SCUBE1: variants seen among roughly 807,000 people sequenced by gnomAD.
SCUBE1 encodes signal peptide, CUB domain and EGF like domain containing 1.
Under a neutral mutation model 124.4 loss-of-function variants are expected in SCUBE1, and 59 were observed. The observed-to-expected ratio is 0.47, with a 90% CI of 0.38 to 0.59. The LOEUF (loss-of-function observed/expected upper bound fraction) is 0.59. SCUBE1 is among the 20% of genes least tolerant of loss of function. The pLI is 0.00. For synonymous variants in SCUBE1, 545 were observed against 550.9 expected (o/e 0.99, Z 0.15); for missense variants, 1,150 against 1,371.2 (o/e 0.84, Z 2.55).
Position 43,255,429 on chromosome 22 carries a change from CAT to C in SCUBE1, c.727+2788_727+2789del, listed in dbSNP as rs1248787382. 67 of 1,422,222 alleles carry C rather than the reference CAT, an allele frequency of 4.7e-5. No homozygotes were observed. The highest frequency in any genetic ancestry group is 8.5e-5 in the African/African-American group (6 of 70,460). The allele number at this position is 1,422,222 out of a possible 1,614,324, so 88.1% of individuals were successfully genotyped here. A position where few individuals can be genotyped will look rare whatever the true frequency, so the allele number is the denominator to read the frequency against. ...CATGCCAGTGCGCACCCGAGACACA[CAT>C]GTGCACACACACACACAAGTGCAAG... On this transcript the variant is annotated intron_variant, in intron 6 of 21. Transcript: ENST00000360835. The surrounding 1 kb of genome is among the most constrained non-coding windows in gnomAD (Gnocchi z 4.7).
rs139895802 is a variant in SCUBE1, at chr22:43,281,437, G to A, written c.484+9609C>T. Among the ~76,000 whole-genome samples the A allele has an allele frequency of 8.4e-3, 545 of 64,556 alleles. 11 individuals carry two copies. The highest frequency in any genetic ancestry group is 0.034 in the East Asian group (15 of 442). The allele number at this position is 64,556 out of a possible 152,430, so 42.4% of individuals were successfully genotyped here. A position where few individuals can be genotyped will look rare whatever the true frequency, so the allele number is the denominator to read the frequency against. ...CAGCCATCCTCCTGTCACCTCCCTT[G>A]GCCACCCTCCTGTCATCTCCCTCAG... On this transcript the variant is annotated intron_variant, in intron 4 of 21. Coordinates refer to ENST00000360835, the MANE Select transcript of SCUBE1 (RefSeq NM_173050.5).
At position 43,218,311 on chromosome 22, in the gene SCUBE1, G is replaced by A. The variant is rs372406116; in HGVS notation, c.1835C>T (p.Ala612Val). ...GCCACATGCCCCCTGCCCCTCCAGC[G>A]CCTTGGCTGGCCTCTGGGCTACCTC... ...EYEVAQRPAK[A>V]LEGQGACGAG... The change falls in exon 15 of 22, where the codon GCG becomes GTG. Residue 612 changes from alanine to valine, a missense_variant. By Grantham distance (64) the Ala-to-Val change is moderately conservative (BLOSUM62 0). This residue lies in a region of SCUBE1 where 757 missense variants were observed against 840.9 expected (regional missense o/e 0.90). Coordinates refer to ENST00000360835, the MANE Select transcript of SCUBE1 (RefSeq NM_173050.5). 6.2e-6 allele frequency: 10 copies of A among 1,613,182 alleles called. No individual in the cohort carries two copies. In the African/African-American group the frequency reaches 1.1e-4, roughly 17 times the overall value.
intron 15 of SCUBE1, among the ~76,000 whole-genome samples, chr22:43,214,660 G>A (rs59093902): frequency 0.059 from 8,911 of 152,260 alleles, 910 homozygotes; most frequent in African/African-American, 0.2. Context: ...TCCTTCCTGA[G>A]TGGAGGAGTT....
chr22:43,249,615 T>C (rs1426006368), intron 6 of SCUBE1, among the ~76,000 whole-genome samples: 3 of 152,214 alleles, frequency 2.0e-5, no homozygotes, highest in African/African-American at 7.2e-5. Context: ...TTCCATCCTT[T>C]CTTTCCCTTC....
At chr22:43,327,258 A>G (rs1926756832) in intron 2 of SCUBE1, among the ~76,000 whole-genome samples, 1 of 152,180 alleles carries the variant, frequency 6.6e-6, no homozygotes. Flanking sequence ...CAGATCACAC[A>G]GCAAATGCAA....
intron 5 of SCUBE1, among the ~76,000 whole-genome samples, chr22:43,259,828 C>T (rs1199773511): frequency 6.6e-6 from 1 of 152,172 alleles, no homozygotes; most frequent in Non-Finnish European, 1.5e-5. Context: ...ATTTCAGGGA[C>T]CTGAAAAATG....
rs183553226 is a variant in SCUBE1 at position 43,256,794 on chromosome 22, G to A, written c.727+1425C>T. ...AGACGAGACAGGAGGGAGGCTGGGTGGCCCGGGAGAGCCCCAGGCCGGACA... is the reference window on the plus strand; with the variant it reads ...AGACGAGACAGGAGGGAGGCTGGGTAGCCCGGGAGAGCCCCAGGCCGGACA... On this transcript the variant is annotated intron_variant, in intron 6 of 21. Transcript: ENST00000360835. 2.4e-4 allele frequency among the ~76,000 whole-genome samples: 37 copies of A among 152,346 alleles called. 1 individual carries two copies. The highest frequency in any genetic ancestry group is 1.8e-3 in the Admixed American group (28 of 15,306).
chr22:43,313,539 T>C (rs1038872384), intron 3 of SCUBE1, among the ~76,000 whole-genome samples: 10 of 152,212 alleles, frequency 6.6e-5, no homozygotes, highest in African/African-American at 2.4e-4. Context: ...TGCTGTCCAA[T>C]TGCATGGAGT....
At chr22:43,230,359 G>A (rs1293367119) in intron 8 of SCUBE1, among the ~76,000 whole-genome samples, 2 of 151,982 alleles carry the variant, frequency 1.3e-5, no homozygotes, top group African/African-American at 4.8e-5. Flanking sequence ...TGAGTGCCAA[G>A]CAAAGGAGCA....
At chr22:43,317,463 AG>A (rs1926391300) in intron 3 of SCUBE1, among the ~76,000 whole-genome samples, 1 of 152,212 alleles carries the variant, frequency 6.6e-6, no homozygotes, top group African/African-American at 2.4e-5. Flanking sequence ...ACATTATCTC[AG>A]TCACTGCTCA....
At chr22:43,299,031 G>A (rs1306665619) in intron 3 of SCUBE1, among the ~76,000 whole-genome samples, 1 of 144,568 alleles carries the variant, frequency 6.9e-6, no homozygotes, top group East Asian at 2.0e-4. Flanking sequence ...GGCCTGGGGC[G>A]ACACAGCGAG....
rs148581162 is a variant in SCUBE1 at position 43,234,710 on chromosome 22, C to T, written c.845-2835G>A. ...CCTGGGTTCCCACCCCACCGCCCCA[C>T]ACCAGGCAGCCAGCACCACCTTCCG... On this transcript the variant is annotated intron_variant, in intron 7 of 21. Coordinates refer to ENST00000360835, the MANE Select transcript of SCUBE1 (RefSeq NM_173050.5). The surrounding 1 kb of genome is among the most constrained non-coding windows in gnomAD (Gnocchi z 4.4). Among the ~76,000 whole-genome samples the T allele has an allele frequency of 6.6e-4, 101 of 152,336 alleles. 1 individual carries two copies. Among genetic ancestry groups the T allele is most frequent in the Admixed American group, 7.2e-4 (11 of 15,306 alleles).
At chr22:43,256,611 A>T (rs1923669779) in intron 6 of SCUBE1, among the ~76,000 whole-genome samples, 1 of 152,258 alleles carries the variant, frequency 6.6e-6, no homozygotes, top group African/African-American at 2.4e-5. Flanking sequence ...TGCAGTAGAC[A>T]TCAAAAAATA....
At chr22:43,235,117 G>GT (rs910994513) in intron 7 of SCUBE1, among the ~76,000 whole-genome samples, 3 of 152,210 alleles carry the variant, frequency 2.0e-5, no homozygotes, top group Non-Finnish European at 4.4e-5. Flanking sequence ...AGGGCCCAGC[G>GT]TGAGTGTCTA....
In SCUBE1 at chr22:43,218,276, C is replaced by A. The variant is rs1921926567; in HGVS notation, c.1870G>T (p.Val624Leu). ...EGQGACGAGQ[V>L]LQDSKCVACG... is the part of the protein sequence containing the mutation. ...TCACCGCATTTGCTGTCCTGTAGCACCTGGCCTGCGCCACATGCCCCCTGC... is the reference window on the plus strand; with the variant it reads ...TCACCGCATTTGCTGTCCTGTAGCAACTGGCCTGCGCCACATGCCCCCTGC... The change falls in exon 15 of 22, where the codon GTG becomes TTG. Residue 624 changes from valine (V) to leucine (L), a missense_variant. Val to Leu is a conservative substitution (Grantham distance 32, BLOSUM62 1). This residue lies in a region of SCUBE1 where 757 missense variants were observed against 840.9 expected (regional missense o/e 0.90). Transcript: ENST00000360835. 2 of 1,613,060 alleles carry A rather than the reference C, an allele frequency of 1.2e-6. No homozygotes were observed. Among genetic ancestry groups the A allele is most frequent in the South Asian group, 1.1e-5 (1 of 91,090 alleles).
rs371632319 is a variant in SCUBE1 at position 43,339,248 on chromosome 22, G to A, written c.89-13C>T. ...ACGTCGACTGACCCTGTGGGTAGGG[G>A]TGTGGGGGGAATAAGAGGTAAGGTG... is the stretch of plus-strand genomic sequence containing the variant. On this transcript the variant is annotated splice_polypyrimidine_tract_variant and intron_variant, in intron 1 of 21. Transcript: ENST00000360835. The A allele has an allele frequency of 6.2e-7, 1 of 1,612,228 alleles. No homozygotes were observed. The highest frequency in any genetic ancestry group is 1.3e-5 in the African/African-American group (1 of 75,008).
intron 3 of SCUBE1, 87 bp from the exon 4 acceptor site, chr22:43,291,267 A>T (rs1348719822): frequency 7.0e-7 from 1 of 1,436,684 alleles, no homozygotes; most frequent in Admixed American, 1.7e-5. Context: ...GGATGCAGTG[A>T]ATTTCCTCAC....
chr22:43,316,655 T>C (rs1403177915), intron 3 of SCUBE1, among the ~76,000 whole-genome samples: 1 of 152,182 alleles, frequency 6.6e-6, no homozygotes, highest in Non-Finnish European at 1.5e-5. Flanking sequence ...TGCAGGTCTA[T>C]GTAGGCTCTG....
chr22:43,209,649 G>A (rs533186933), intron 19 of SCUBE1, among the ~76,000 whole-genome samples: 4 of 152,230 alleles, frequency 2.6e-5, no homozygotes, highest in Admixed American at 2.0e-4. Flanking sequence ...AAACCTCAGC[G>A]GGCGGGAGGA....
Sources: gnomAD v4.1 joint callset for allele counts (sites outside exome capture counted in the v4.1 genomes callset) on GRCh38, gnomAD v4.1.1 for gene constraint, gnomAD v4.1.1 regional missense constraint, Gnocchi (gnomAD v3.1) non-coding constraint, MANE v1.5 for transcripts, NCBI Gene and HGNC (gene_info 2026-07-23, HGNC 2026-07-21) for gene names.